The following NKAIN2 variants were observed in gnomAD, a reference collection of about 807,000 sequenced individuals.
The protein encoded by NKAIN2 is sodium/potassium-transporting ATPase subunit beta-1-interacting protein 2.
Under a neutral mutation model 32.6 loss-of-function variants are expected in NKAIN2, and 14 were observed. The observed-to-expected ratio is 0.43, with a 90% CI of 0.28 to 0.67. The LOEUF (loss-of-function observed/expected upper bound fraction) is 0.67, where lower values mean the gene tolerates loss of function less well. Among genes scored for constraint, NKAIN2 ranks in the 30% least tolerant of loss-of-function variants. The pLI is 0.17. For missense variants in NKAIN2, 198 were observed against 258.3 expected (o/e 0.77, Z 1.60); for synonymous variants, 80 against 87.2 (o/e 0.92, Z 0.46).
intron 1 of NKAIN2, among the ~76,000 whole-genome samples, chr6:123,836,960 A>G (rs1774655667): frequency 6.6e-6 from 1 of 152,146 alleles, no homozygotes; most frequent in Admixed American, 6.5e-5. Flanking sequence ...TTGATCAACA[A>G]ATGAGTGAAT....
intron 1 of NKAIN2, among the ~76,000 whole-genome samples, chr6:123,972,366 T>G (rs966929978): frequency 3.9e-5 from 6 of 152,314 alleles, no homozygotes; most frequent in Admixed American, 3.3e-4. Context: ...TTTTTGATTT[T>G]AGGTCATCAC....
intron 1 of NKAIN2, among the ~76,000 whole-genome samples, chr6:124,181,570 G>A (rs908689251): frequency 2.6e-5 from 4 of 152,078 alleles, no homozygotes; most frequent in African/African-American, 9.7e-5. Flanking sequence ...ACTTCTAACA[G>A]AATGAAAGTC....
intron 4 of NKAIN2, among the ~76,000 whole-genome samples, chr6:124,679,332 C>G (rs184274918): frequency 6.6e-6 from 1 of 152,042 alleles, no homozygotes; most frequent in African/African-American, 2.4e-5. Flanking sequence ...AAATTGGTGC[C>G]CTTTTCTGTC....
At chr6:124,302,259 G>T (rs1382628647) in intron 2 of NKAIN2, among the ~76,000 whole-genome samples, 2 of 152,204 alleles carry the variant, frequency 1.3e-5, no homozygotes, top group Non-Finnish European at 2.9e-5. Flanking sequence ...CTGTGAGTCA[G>T]TTAAACCTCT....
intron 3 of NKAIN2, among the ~76,000 whole-genome samples, chr6:124,451,267 C>T (rs897917078): frequency 1.3e-5 from 2 of 152,124 alleles, no homozygotes; most frequent in Non-Finnish European, 2.9e-5. Flanking sequence ...TAACATACCA[C>T]AGCAGATTTT....
Position 124,394,509 on chromosome 6 carries a change from T to TA in NKAIN2, c.273+39163dup, listed in dbSNP as rs1562152709. On this transcript the variant is annotated intron_variant, in intron 3 of 6. Coordinates refer to ENST00000368417, the MANE Select transcript of NKAIN2 (RefSeq NM_001040214.3). ...TAGATAGATAGATAGATAGATAGATTAGATAGATACAGACAGACAGATAGA... is the reference window on the plus strand; with the variant it reads ...TAGATAGATAGATAGATAGATAGATTAAGATAGATACAGACAGACAGATAGA... 2.9e-3 allele frequency among the ~76,000 whole-genome samples: 295 copies of TA among 101,624 alleles called. 1 individual carries two copies. The highest frequency in any genetic ancestry group is 5.1e-3 in the Non-Finnish European group (225 of 44,254). The allele number at this position is 101,624 out of a possible 152,430, so 66.7% of individuals were successfully genotyped here.
intron 2 of NKAIN2, among the ~76,000 whole-genome samples, chr6:124,349,739 T>A (rs555758654): frequency 6.6e-6 from 1 of 152,358 alleles, no homozygotes; most frequent in South Asian, 2.1e-4. Context: ...TCTCTGAGCC[T>A]GACCAATATT....
intron 1 of NKAIN2, among the ~76,000 whole-genome samples, chr6:124,001,561 A>G (rs904522021): frequency 2.6e-5 from 4 of 151,842 alleles, no homozygotes; most frequent in African/African-American, 9.7e-5. Context: ...ATAATGAATC[A>G]TGTGTTTCCT....
intron 3 of NKAIN2, among the ~76,000 whole-genome samples, chr6:124,481,031 C>T (rs1346660903): frequency 6.6e-6 from 1 of 152,086 alleles, no homozygotes; most frequent in Non-Finnish European, 1.5e-5. Context: ...AGCACAGCCT[C>T]AGATTCCTAA....
intron 4 of NKAIN2, among the ~76,000 whole-genome samples, chr6:124,707,400 C>A (rs1775147050): frequency 6.6e-6 from 1 of 150,892 alleles, no homozygotes; most frequent in African/African-American, 2.5e-5. Flanking sequence ...GTTCTAGATC[C>A]CTGAGGAATG....
chr6:124,148,733 T>C (rs1787554588), intron 1 of NKAIN2, among the ~76,000 whole-genome samples: 1 of 152,220 alleles, frequency 6.6e-6, no homozygotes, highest in East Asian at 1.9e-4. Flanking sequence ...GATGAACATT[T>C]GAGTTTTCCC....
chr6:124,299,773 A>G (rs1796223552), intron 2 of NKAIN2, among the ~76,000 whole-genome samples: 1 of 152,204 alleles, frequency 6.6e-6, no homozygotes, highest in Non-Finnish European at 1.5e-5. Flanking sequence ...ACTGAATTTA[A>G]TTGTTCACTG....
At chr6:123,957,071 T>G (rs1301714881) in intron 1 of NKAIN2, among the ~76,000 whole-genome samples, 2 of 152,166 alleles carry the variant, frequency 1.3e-5, no homozygotes, top group African/African-American at 2.4e-5. Context: ...TTCTCCATCA[T>G]CATCCTCCAC....
chr6:124,629,964 G>A (rs577642927), intron 3 of NKAIN2, among the ~76,000 whole-genome samples: 3 of 152,216 alleles, frequency 2.0e-5, no homozygotes, highest in South Asian at 2.1e-4. Context: ...GTTGGGTAGC[G>A]AAGGACTACA....
chr6:124,782,651 G>A (rs371474440), intron 4 of NKAIN2, among the ~76,000 whole-genome samples: 39 of 152,014 alleles, frequency 2.6e-4, no homozygotes, highest in African/African-American at 8.9e-4. Context: ...CTTTTGTATA[G>A]TTAATTTTGC....
intron 1 of NKAIN2, among the ~76,000 whole-genome samples, chr6:124,136,837 G>T (rs1047210989): frequency 6.6e-6 from 1 of 151,972 alleles, no homozygotes; most frequent in Non-Finnish European, 1.5e-5. Flanking sequence ...AGCAAAATTG[G>T]CATAGAAGGG....
At chr6:124,375,507 T>C (rs1799954226) in intron 3 of NKAIN2, among the ~76,000 whole-genome samples, 1 of 150,670 alleles carries the variant, frequency 6.6e-6, no homozygotes, top group Non-Finnish European at 1.5e-5. Context: ...TTTTAATATA[T>C]TCTATAATGA....
At chr6:123,978,203 C>T (rs767145227) in intron 1 of NKAIN2, among the ~76,000 whole-genome samples, 3 of 152,050 alleles carry the variant, frequency 2.0e-5, no homozygotes, top group Non-Finnish European at 4.4e-5. Context: ...CAGTTGGACT[C>T]TGTTAGTTTT....
chr6:123,958,344 C>A (rs1447557892), intron 1 of NKAIN2, among the ~76,000 whole-genome samples: 1 of 152,236 alleles, frequency 6.6e-6, no homozygotes, highest in East Asian at 1.9e-4. Flanking sequence ...CCCATGAAGG[C>A]ACCTGTGAGG....
Sources: allele counts gnomAD v4.1 joint callset (sites outside exome capture counted in the v4.1 genomes callset), GRCh38; gene constraint gnomAD v4.1.1; transcripts MANE v1.5; gene names NCBI Gene and HGNC (gene_info 2026-07-23, HGNC 2026-07-21).